ST18: variants seen among roughly 807,000 people sequenced by gnomAD.
The protein encoded by ST18 is ST18 C2H2C-type zinc finger transcription factor, also known as suppression of tumorigenicity 18 protein.
In ST18, 50 loss-of-function variants were observed where a neutral mutation model predicts 110.0. That is an observed-to-expected ratio of 0.45 (90% confidence interval 0.36 to 0.58). The LOEUF (loss-of-function observed/expected upper bound fraction) is 0.58, where lower values mean the gene tolerates loss of function less well. Ranked by LOEUF, ST18 falls within the 20% of genes least tolerant of loss-of-function variation. ST18 has a pLI of 0.00. For missense variants in ST18, 1,306 were observed against 1,280.1 expected (o/e 1.02, Z -0.31); for synonymous variants, 461 against 452.4 (o/e 1.02, Z -0.24).
chr8:52,346,761 A>T (rs192288640), intron 2 of ST18, among the ~76,000 whole-genome samples: 1 of 152,296 alleles, frequency 6.6e-6, no homozygotes, highest in African/African-American at 2.4e-5. Context: ...AGACATTTTC[A>T]GATAGCTGTG....
chr8:52,374,131 C>T (rs569293365), intron 2 of ST18, among the ~76,000 whole-genome samples: 15 of 152,290 alleles, frequency 9.8e-5, no homozygotes, highest in South Asian at 4.1e-4. Flanking sequence ...CCAAAATCCA[C>T]GTCTACCAAA....
At chr8:52,172,963 G>A (rs2065537604) in intron 9 of ST18, among the ~76,000 whole-genome samples, 1 of 152,102 alleles carries the variant, frequency 6.6e-6, no homozygotes, top group South Asian at 2.1e-4. Context: ...TACTTCTTAG[G>A]TTCCTAACTC....
chr8:52,241,027 G>C (rs548525677), intron 2 of ST18, among the ~76,000 whole-genome samples: 1 of 152,258 alleles, frequency 6.6e-6, no homozygotes, highest in South Asian at 2.1e-4. Flanking sequence ...TCTTCCTTCT[G>C]AATCTCCTAT....
At chr8:52,292,086 GAA>G (rs2095564799) in intron 2 of ST18, among the ~76,000 whole-genome samples, 1 of 152,116 alleles carries the variant, frequency 6.6e-6, no homozygotes, top group African/African-American at 2.4e-5. Context: ...TTTATTTACT[GAA>G]AATCTCTAAA....
In ST18 at chr8:52,215,214, T is replaced by C. The variant is rs145385075; in HGVS notation, c.1-957A>G. ...TCTGCTCTCAGAGGCTGAGTTGTGATTGAAGGCACTGACCTGCCATAGACT... is the reference window on the plus strand; with the variant it reads ...TCTGCTCTCAGAGGCTGAGTTGTGACTGAAGGCACTGACCTGCCATAGACT... On this transcript the variant is annotated intron_variant, in intron 6 of 25. Coordinates refer to ENST00000689386, the MANE Select transcript of ST18 (RefSeq NM_001352837.2). Among the ~76,000 whole-genome samples, 461 of 152,284 alleles carry C rather than the reference T, an allele frequency of 3.0e-3. 1 individual carries two copies. The highest frequency in any genetic ancestry group is 1.0e-2 in the African/African-American group (414 of 41,578).
chr8:52,133,715 T>TTATTATTA (rs2050756604), intron 19 of ST18, among the ~76,000 whole-genome samples: 2 of 147,570 alleles, frequency 1.4e-5, no homozygotes, highest in Admixed American at 1.3e-4. Context: ...TTCCAAATTA[T>TTATTATTA]TATTATTATT....
chr8:52,159,204 A>G (rs552140092), intron 14 of ST18, 95 bp from the exon 15 acceptor site: 1 of 1,166,498 alleles, frequency 8.6e-7, no homozygotes, highest in South Asian at 1.5e-5. Flanking sequence ...TTGCATTAAA[A>G]TATGTGAAGA....
intron 2 of ST18, among the ~76,000 whole-genome samples, chr8:52,335,845 G>A (rs993983413): frequency 6.6e-6 from 1 of 152,044 alleles, no homozygotes; most frequent in African/African-American, 2.4e-5. Context: ...AGCCAACAAG[G>A]TGTCCTCCGT....
intron 13 of ST18, among the ~76,000 whole-genome samples, chr8:52,163,719 T>G (rs2062051285): frequency 6.6e-6 from 1 of 152,190 alleles, no homozygotes; most frequent in Non-Finnish European, 1.5e-5. Context: ...TATGGTATAT[T>G]AATTCTTTTA....
chr8:52,168,014 C>A (rs2063575355), intron 10 of ST18, among the ~76,000 whole-genome samples: 1 of 151,892 alleles, frequency 6.6e-6, no homozygotes, highest in Non-Finnish European at 1.5e-5. Flanking sequence ...CAGAAATGTT[C>A]ACATTCATGA....
intron 3 of ST18, among the ~76,000 whole-genome samples, chr8:52,229,089 C>T (rs2090504258): frequency 6.6e-6 from 1 of 152,218 alleles, no homozygotes; most frequent in African/African-American, 2.4e-5. Flanking sequence ...TTCTTACAGA[C>T]TATCAGTCTT....
rs1280011048 is a variant in ST18 at position 52,133,247 on chromosome 8, G to C, written c.2355C>G (p.Ser785=). 2.5e-6 allele frequency: 4 copies of C among 1,614,162 alleles called. No individual in the cohort carries two copies. The highest frequency in any genetic ancestry group is 3.4e-6 in the Non-Finnish European group (4 of 1,180,032). The change falls in exon 20 of 26, where the codon TCC becomes TCG. Residue 785 remains serine (S), a synonymous_variant. Transcript: ENST00000689386. The stretch of plus-strand genomic sequence containing the variant: ...AATAAGATCAATCCTACCTTCTGTG[G>C]GAAGCATAGTTTCCAGTCACGTGCC... ...GSGHVTGNYA[S]HRSLSGCPRA... is the part of the protein sequence containing the mutation.
At chr8:52,405,011 T>A (rs1484237318) in intron 2 of ST18, 1 of 152,238 alleles carries the variant, frequency 6.6e-6, no homozygotes, top group African/African-American at 2.4e-5. Context: ...AAGAAACATT[T>A]GCTTAAGGTT....
At chr8:52,150,030 T>G in intron 15 of ST18, 53 bp from the exon 16 acceptor site, 3 of 1,566,308 alleles carry the variant, frequency 1.9e-6, no homozygotes, top group Non-Finnish European at 2.6e-6. Flanking sequence ...AGTTACAGCC[T>G]AGCCATGTGG....
intron 2 of ST18, among the ~76,000 whole-genome samples, chr8:52,386,828 A>G (rs1179064811): frequency 6.6e-6 from 1 of 152,222 alleles, no homozygotes; most frequent in Non-Finnish European, 1.5e-5. Context: ...CAGTCACACT[A>G]TCCTAAGATC....
chr8:52,332,530 CTTTTTTTT>C (rs140331895), intron 2 of ST18, among the ~76,000 whole-genome samples: 7 of 49,768 alleles, frequency 1.4e-4, no homozygotes, highest in East Asian at 7.9e-4. Flanking sequence ...TCTAATGTAG[CTTTTTTTT>C]TTTTTTTTTT....
intron 8 of ST18, among the ~76,000 whole-genome samples, chr8:52,187,953 T>C (rs1010579472): frequency 2.0e-5 from 3 of 152,240 alleles, no homozygotes; most frequent in African/African-American, 7.2e-5. Flanking sequence ...AACTCAACAA[T>C]TATTCAGCAA....
intron 2 of ST18, among the ~76,000 whole-genome samples, chr8:52,398,822 T>C (rs374310408): frequency 6.6e-6 from 1 of 152,128 alleles, no homozygotes; most frequent in African/African-American, 2.4e-5. Flanking sequence ...TTTTGATGCA[T>C]TGCTGAATTG....
intron 2 of ST18, among the ~76,000 whole-genome samples, chr8:52,286,847 C>T (rs966736909): frequency 6.6e-6 from 1 of 151,634 alleles, no homozygotes; most frequent in African/African-American, 2.4e-5. Flanking sequence ...AACACAGATT[C>T]TTAAACCGCA....
Sources: gnomAD v4.1 joint callset for allele counts (sites outside exome capture counted in the v4.1 genomes callset) on GRCh38, gnomAD v4.1.1 for gene constraint, MANE v1.5 for transcripts, NCBI Gene and HGNC (gene_info 2026-07-23, HGNC 2026-07-21) for gene names.